The following FLT1 variants were observed in gnomAD, a reference collection of about 807,000 sequenced individuals.
FLT1 encodes fms related receptor tyrosine kinase 1, also known as vascular endothelial growth factor receptor 1.
In FLT1, 49 loss-of-function variants were observed where a neutral mutation model predicts 156.3. That is an observed-to-expected ratio of 0.31 (90% CI 0.25 to 0.40). The LOEUF is 0.40. Among genes scored for constraint, FLT1 ranks in the 10% least tolerant of loss-of-function variants. The pLI is 1.00. For synonymous variants in FLT1, 594 were observed against 583.8 expected, an observed-to-expected ratio of 1.02 and a Z score of -0.25; for missense variants, 1,322 against 1,637.2, an observed-to-expected ratio of 0.81 and a Z score of 3.32.
At chr13:28,438,382 A>G (rs1878152622) in intron 3 of FLT1, 37 bp from the exon 4 acceptor site, 2 of 1,536,376 alleles carry the variant, frequency 1.3e-6, no homozygotes, top group Middle Eastern at 1.7e-4. Flanking sequence ...ATATACATAA[A>G]TGATTGACAT....
chr13:28,346,838 A>G (rs1872584723), intron 15 of FLT1, among the ~76,000 whole-genome samples: 1 of 150,034 alleles, frequency 6.7e-6, no homozygotes, highest in African/African-American at 2.5e-5. Context: ...CTGAGCACTT[A>G]TTATATTCTA....
chr13:28,324,330 G>A (rs1871592139), intron 20 of FLT1, among the ~76,000 whole-genome samples: 3 of 152,114 alleles, frequency 2.0e-5, no homozygotes, highest in South Asian at 2.1e-4. Context: ...ATTAACCCGC[G>A]TACCCCATCC....
chr13:28,342,946 T>TTCTTTCTCTC (rs796327089), intron 16 of FLT1, among the ~76,000 whole-genome samples: 1 of 143,004 alleles, frequency 7.0e-6, no homozygotes, highest in Non-Finnish European at 1.5e-5. Flanking sequence ...CTTTCTTTCT[T>TTCTTTCTCTC]TCTCTCTCTC....
chr13:28,435,656 G>A (rs1240660574), intron 4 of FLT1, among the ~76,000 whole-genome samples: 1 of 152,154 alleles, frequency 6.6e-6, no homozygotes, highest in Non-Finnish European at 1.5e-5. Context: ...TGCTGAAGGC[G>A]CTGATCTGGA....
chr13:28,482,598 C>T (rs1880924777), intron 1 of FLT1, among the ~76,000 whole-genome samples: 1 of 152,118 alleles, frequency 6.6e-6, no homozygotes, highest in African/African-American at 2.4e-5. Context: ...TTAACATTAT[C>T]CCAAAATGGT....
intron 14 of FLT1, chr13:28,368,528 A>G: frequency 6.5e-7 from 1 of 1,547,536 alleles, no homozygotes; most frequent in Non-Finnish European, 8.7e-7. Context: ...ATAGTTTTCA[A>G]TAAATGGTAG....
At position 28,303,068 on chromosome 13, in the gene FLT1, T is replaced by A. The variant is rs559467068; in HGVS notation, c.*99A>T. ...AAAGCAGCTGGCTCCCATGGAAAGA[T>A]AAAGGTGTAAACTTATATATGCATA... On this transcript the variant is annotated 3_prime_UTR_variant, in exon 30 of 30. Transcript: ENST00000282397. 1 of 1,071,064 alleles carries A rather than the reference T, an allele frequency of 9.3e-7. No individual in the cohort carries two copies. The highest frequency in any genetic ancestry group is 1.6e-5 in the African/African-American group (1 of 63,426). 66.3% of individuals were successfully genotyped at this position (1,071,064 alleles called of 1,614,324 possible).
intron 4 of FLT1, among the ~76,000 whole-genome samples, chr13:28,436,086 C>A (rs936375176): frequency 3.3e-5 from 5 of 152,238 alleles, no homozygotes; most frequent in African/African-American, 1.2e-4. Flanking sequence ...TCTCATCTAT[C>A]CATTACGGCT....
chr13:28,480,167 G>A (rs1880757483), intron 1 of FLT1, among the ~76,000 whole-genome samples: 1 of 152,098 alleles, frequency 6.6e-6, no homozygotes, highest in African/African-American at 2.4e-5. Context: ...CTCTTTTACT[G>A]CCACCAATCC....
At chr13:28,455,758 C>T (rs1331073677) in intron 3 of FLT1, among the ~76,000 whole-genome samples, 1 of 151,300 alleles carries the variant, frequency 6.6e-6, no homozygotes, top group African/African-American at 2.4e-5. Context: ...AATTGTTTTC[C>T]AAAACATACA....
chr13:28,388,826 A>G (rs1394402206), intron 13 of FLT1: 2 of 1,061,568 alleles, frequency 1.9e-6, no homozygotes, highest in Non-Finnish European at 2.3e-6. Context: ...TGTCATTTTA[A>G]CATGATGAAG....
Position 28,466,933 on chromosome 13 carries a change from T to C in FLT1, c.358A>G (p.Thr120Ala). The part of the protein sequence containing the change: ...LAVPTSKKKE[T>A]ESAIYIFISD... ...ATAAATATATAGATTGCAGATTCTG[T>C]TTCCTTCTTCTTTGAAGTAGGTACA... Residue 120 changes from threonine to alanine, a missense_variant, in exon 3 of 30, where the codon ACA (threonine) becomes GCA (alanine). Physicochemically the swap from Thr to Ala is moderately conservative, Grantham distance 58 (BLOSUM62 0). This residue lies in a region of FLT1 where 991 missense variants were observed against 1,254.8 expected (regional missense o/e 0.79). Coordinates refer to ENST00000282397, the MANE Select transcript of FLT1 (RefSeq NM_002019.4). 6.2e-7 allele frequency: 1 copy of C among 1,612,682 alleles called. No homozygotes were observed. Among genetic ancestry groups the C allele is most frequent in the Non-Finnish European group, 8.5e-7 (1 of 1,178,592 alleles).
intron 25 of FLT1, 55 bp from the exon 26 acceptor site, chr13:28,312,153 T>C: frequency 9.5e-7 from 1 of 1,051,172 alleles, no homozygotes. Context: ...ATCCTATGCA[T>C]TGCCTTACGT....
chr13:28,466,458 C>A, intron 3 of FLT1, among the ~76,000 whole-genome samples: 1 of 152,000 alleles, frequency 6.6e-6, no homozygotes, highest in East Asian at 1.9e-4. Context: ...ATATAACACT[C>A]GAGATAACAG....
chr13:28,433,967 A>T lies in FLT1; in HGVS notation c.677-12T>A, dbSNP rs1442721358. ...TATGATTGTATTGGCTGCAAGCATAAGAGAGAAATTTTTTAAAATTAAGAT... is the reference window on the plus strand; with the variant it reads ...TATGATTGTATTGGCTGCAAGCATATGAGAGAAATTTTTTAAAATTAAGAT... On this transcript the variant is annotated splice_polypyrimidine_tract_variant and intron_variant, in intron 5 of 29. Transcript: ENST00000282397. 6.2e-7 allele frequency: 1 copy of T among 1,614,032 alleles called. No homozygotes were observed. Among genetic ancestry groups the T allele is most frequent in the Non-Finnish European group, 8.5e-7 (1 of 1,179,996 alleles).
intron 13 of FLT1, chr13:28,389,259 A>T: frequency 1.7e-6 from 2 of 1,150,744 alleles, no homozygotes; most frequent in Non-Finnish European, 1.1e-6. Context: ...CAGAAGTCCG[A>T]CAGAGTCTCA....
chr13:28,451,660 G>T (rs1344125003), intron 3 of FLT1, among the ~76,000 whole-genome samples: 1 of 152,042 alleles, frequency 6.6e-6, no homozygotes, highest in Non-Finnish European at 1.5e-5. Flanking sequence ...GGGCAGTTGA[G>T]GGGAGGCAGG....
chr13:28,323,805 C>T (rs1345853063), intron 20 of FLT1, among the ~76,000 whole-genome samples: 1 of 152,110 alleles, frequency 6.6e-6, no homozygotes, highest in African/African-American at 2.4e-5. Context: ...ACTCTGTAAT[C>T]CCTAGGAGGA....
At chr13:28,483,115 A>G (rs1400046739) in intron 1 of FLT1, among the ~76,000 whole-genome samples, 1 of 152,234 alleles carries the variant, frequency 6.6e-6, no homozygotes, top group African/African-American at 2.4e-5. Context: ...AAAATTTTCA[A>G]AGAACAGCAG....
Sources: gnomAD v4.1 joint callset for allele counts (sites outside exome capture counted in the v4.1 genomes callset) on GRCh38, gnomAD v4.1.1 for gene constraint, gnomAD v4.1.1 regional missense constraint, MANE v1.5 for transcripts, NCBI Gene and HGNC (gene_info 2026-07-23, HGNC 2026-07-21) for gene names.